Variants in RREB1 observed in about 807,000 individuals in gnomAD.
RREB1 encodes ras-responsive element-binding protein 1.
Under a neutral mutation model 117.8 loss-of-function variants are expected in RREB1, and 27 were observed. The ratio of observed to expected loss-of-function variants is 0.23; its 90% CI spans 0.17 to 0.32. The LOEUF is 0.32. Ranked by LOEUF, RREB1 falls within the 10% of genes least tolerant of loss-of-function variation. The probability of loss-of-function intolerance (pLI) is 1.00; values close to 1 mark genes in which losing one functional copy is unlikely to be tolerated. For missense variants in RREB1, 2,577 were observed against 2,378.2 expected, an observed-to-expected ratio of 1.08 and a Z score of -1.74; for synonymous variants, 1,298 against 1,026.7, an observed-to-expected ratio of 1.26 and a Z score of -5.05.
chr6:7,153,109 T>G (rs1306072531), intron 1 of RREB1, among the ~76,000 whole-genome samples: 21 of 151,278 alleles, frequency 1.4e-4, no homozygotes, highest in African/African-American at 4.9e-4. Flanking sequence ...GAGAGGGTTT[T>G]TTTTTTTTTT....
intron 11 of RREB1, among the ~76,000 whole-genome samples, chr6:7,243,963 T>A (rs766198649): frequency 2.0e-5 from 3 of 152,062 alleles, no homozygotes; most frequent in Non-Finnish European, 4.4e-5. Context: ...AGATTAAACC[T>A]TCTTTTAAAA....
chr6:7,221,418 C>A (rs902171475), intron 8 of RREB1, among the ~76,000 whole-genome samples: 2 of 152,084 alleles, frequency 1.3e-5, no homozygotes, highest in African/African-American at 4.8e-5. Context: ...ATGATCCACC[C>A]GCCTCGGCCT....
In RREB1 at chr6:7,189,198, A is replaced by G. The variant is rs933889508; in HGVS notation, c.301A>G (p.Ile101Val). Reference sequence around the variant, plus strand: ...TGGAGGAGCCGACCACTCATGCAGCATCTGCGGAAAGTCACTGAGCTCGGC... The same window carrying G: ...TGGAGGAGCCGACCACTCATGCAGCGTCTGCGGAAAGTCACTGAGCTCGGC... Reference protein sequence around the residue: ...DTGGADHSCSICGKSLSSASS... With the variant: ...DTGGADHSCSVCGKSLSSASS... Residue 101 changes from isoleucine to valine, a missense_variant, in exon 6 of 13, where the codon ATC becomes GTC. Physicochemically the swap from Ile to Val is conservative, Grantham distance 29. Transcript: ENST00000379938. 1.9e-6 allele frequency: 3 copies of G among 1,613,706 alleles called. No homozygotes were observed. In the African/African-American group the frequency reaches 4.0e-5, roughly 22 times the overall value.
At position 7,181,215 on chromosome 6, in the gene RREB1, T is replaced by G. The variant is rs1561765433; in HGVS notation, c.-74T>G. On this transcript the variant is annotated 5_prime_UTR_variant, in exon 3 of 13. Coordinates refer to ENST00000379938, the MANE Select transcript of RREB1 (RefSeq NM_001003699.4). ...AATGATAGCTACAGCAGGGGAAAGT[T>G]TCATAGTCTATCAGTGGGTCAGAAA... The G allele has an allele frequency of 1.5e-5, 6 of 398,678 alleles. No individual in the cohort carries two copies. The highest frequency in any genetic ancestry group is 2.7e-5 in the Non-Finnish European group (6 of 226,238). 24.7% of individuals were successfully genotyped at this position (398,678 alleles called of 1,614,324 possible).
At chr6:7,143,386 C>A (rs990975179) in intron 1 of RREB1, among the ~76,000 whole-genome samples, 1 of 152,306 alleles carries the variant, frequency 6.6e-6, no homozygotes, top group African/African-American at 2.4e-5. Flanking sequence ...CGTTCACTCC[C>A]TTGGTCTGAG....
At chr6:7,245,068 C>G (rs1290698130) in intron 11 of RREB1, among the ~76,000 whole-genome samples, 2 of 152,222 alleles carry the variant, frequency 1.3e-5, no homozygotes, top group African/African-American at 4.8e-5. Flanking sequence ...TTCATCCACC[C>G]AATTATCAGA....
rs775760837 is a variant in RREB1, at chr6:7,229,262, A to G, written c.1163A>G (p.Asn388Ser). 65 of 1,613,868 alleles carry G rather than the reference A, an allele frequency of 4.0e-5. No homozygotes were observed. Among genetic ancestry groups the G allele is most frequent in the Non-Finnish European group, 5.5e-5 (65 of 1,179,970 alleles). ...APAEEPLPDD[N>S]QAIQLQTLKC... Reference sequence around the variant, plus strand: ...GCCGAGGAGCCCCTGCCGGATGACAACCAGGCAATTCAGCTCCAGACACTC... The same window carrying G: ...GCCGAGGAGCCCCTGCCGGATGACAGCCAGGCAATTCAGCTCCAGACACTC... The change falls in exon 10 of 13, where the codon AAC (asparagine) becomes AGC (serine). Residue 388 changes from asparagine to serine, a missense_variant. Asn to Ser is a conservative substitution (Grantham distance 46). Transcript: ENST00000379938. The surrounding 1 kb of genome is among the most constrained non-coding windows in gnomAD (Gnocchi z 4.5).
intron 1 of RREB1, among the ~76,000 whole-genome samples, chr6:7,108,371 C>T (rs915514899): frequency 6.6e-6 from 1 of 151,676 alleles, no homozygotes; most frequent in Non-Finnish European, 1.5e-5. Context: ...TTTCCCGAGC[C>T]GCCGGCTCTG....
chr6:7,248,131 C>T (rs1561810916), intron 12 of RREB1, among the ~76,000 whole-genome samples: 1 of 152,246 alleles, frequency 6.6e-6, no homozygotes, highest in Non-Finnish European at 1.5e-5. Context: ...GTGCCCCCGA[C>T]CTAGGTGCTG....
chr6:7,243,666 G>A (rs1373454352), intron 11 of RREB1, among the ~76,000 whole-genome samples: 2 of 152,180 alleles, frequency 1.3e-5, no homozygotes, highest in African/African-American at 4.8e-5. Context: ...CCCCTAGTGG[G>A]AGTTTGGTAG....
intron 8 of RREB1, among the ~76,000 whole-genome samples, chr6:7,222,085 G>A (rs1767294997): frequency 6.6e-6 from 1 of 152,212 alleles, no homozygotes; most frequent in South Asian, 2.1e-4. Flanking sequence ...ACAAAGATGA[G>A]TAAAGTATTG....
At chr6:7,170,790 G>T (rs1298038956) in intron 1 of RREB1, among the ~76,000 whole-genome samples, 1 of 152,188 alleles carries the variant, frequency 6.6e-6, no homozygotes, top group Admixed American at 6.5e-5. Context: ...CTCTGGAGGT[G>T]TATGATAAGC....
chr6:7,208,965 T>TG (rs1402740416), intron 6 of RREB1, among the ~76,000 whole-genome samples: 1 of 152,172 alleles, frequency 6.6e-6, no homozygotes, highest in African/African-American at 2.4e-5. Flanking sequence ...TCTGAGGCTA[T>TG]GGGCAGGTTG....
chr6:7,246,309 A>C, intron 11 of RREB1, 115 bp from the exon 12 acceptor site: 7 of 882,832 alleles, frequency 7.9e-6, no homozygotes. Context: ...AGAAGTCCTC[A>C]CTGGTTTGGG....
At position 7,247,040 on chromosome 6, in the gene RREB1, C is replaced by T. The variant is rs531724612; in HGVS notation, c.4590C>T (p.Ser1530=). ...TCGCGGAGGAGACGGAGGGCCCCTC[C>T]GACGGGGAGAGCGCGGCCGAGAAAA... ...EKLAEETEGP[S]DGESAAEKRS... is the part of the protein sequence containing the mutation. The change falls in exon 12 of 13, where the codon TCC becomes TCT. Residue 1530 remains serine (S), a synonymous_variant. Coordinates refer to ENST00000379938, the MANE Select transcript of RREB1 (RefSeq NM_001003699.4). The T allele has an allele frequency of 2.2e-5, 35 of 1,612,732 alleles. 1 individual carries two copies. In the South Asian group the frequency reaches 3.4e-4, roughly 16 times the overall value.
chr6:7,141,447 AGT>A (rs1762584702), intron 1 of RREB1, among the ~76,000 whole-genome samples: 1 of 152,010 alleles, frequency 6.6e-6, no homozygotes, highest in African/African-American at 2.4e-5. Flanking sequence ...TTAGAAGATG[AGT>A]GTGCTTGGAG....
intron 10 of RREB1, among the ~76,000 whole-genome samples, chr6:7,237,395 T>A (rs924298661): frequency 2.0e-5 from 3 of 149,414 alleles, no homozygotes; most frequent in East Asian, 1.9e-4. Flanking sequence ...CTTTTTTTTT[T>A]ATTATTATTT....
intron 2 of RREB1, among the ~76,000 whole-genome samples, chr6:7,180,360 A>C (rs890219638): frequency 2.6e-5 from 4 of 152,190 alleles, no homozygotes; most frequent in African/African-American, 9.6e-5. Context: ...ATGAGAAATC[A>C]TATTCTTCCT....
At chr6:7,188,014 C>G (rs548477201) in intron 5 of RREB1, among the ~76,000 whole-genome samples, 50 of 152,004 alleles carry the variant, frequency 3.3e-4, no homozygotes, top group African/African-American at 1.1e-3. Flanking sequence ...ACCAAAAATG[C>G]AAAAATTAGC....
Sources: gnomAD v4.1 joint callset for allele counts (sites outside exome capture counted in the v4.1 genomes callset) on GRCh38, gnomAD v4.1.1 for gene constraint, Gnocchi (gnomAD v3.1) non-coding constraint, MANE v1.5 for transcripts, NCBI Gene and HGNC (gene_info 2026-07-23, HGNC 2026-07-21) for gene names.